The following MDM4 variants were observed in gnomAD, a reference collection of about 807,000 sequenced individuals.
MDM4 encodes MDM4 regulator of p53.
MDM4 carries 2 observed loss-of-function variants against 60.2 expected under a neutral mutation model. That is an observed-to-expected ratio of 0.03 (90% CI 0.01 to 0.10). MDM4 has a LOEUF of 0.10. MDM4 is among the 10% of genes least tolerant of loss of function. The probability of loss-of-function intolerance (pLI) is 1.00; values close to 1 mark genes in which losing one functional copy is unlikely to be tolerated. For synonymous variants in MDM4, 202 were observed against 198.1 expected (o/e 1.02, Z -0.17); for missense variants, 447 against 577.5 (o/e 0.77, Z 2.32).
chr1:204,551,359 A>C lies in MDM4; in HGVS notation c.*1677A>C, dbSNP rs371972646. 1.8e-5 allele frequency: 4 copies of C among 226,452 alleles called. No homozygotes were observed. The highest frequency in any genetic ancestry group is 9.0e-5 in the African/African-American group (4 of 44,536). 14.0% of individuals were successfully genotyped at this position (226,452 alleles called of 1,614,324 possible). ...CTGCCCCCTACCCTCTTTGCGTCTT[A>C]GGAGTCATTTAGATTTTTTTTGATC... On this transcript the variant is annotated 3_prime_UTR_variant, in exon 11 of 11. Transcript: ENST00000367182.
chr1:204,536,564 T>C (rs1661449603), intron 5 of MDM4, among the ~76,000 whole-genome samples: 1 of 152,336 alleles, frequency 6.6e-6, no homozygotes, highest in Middle Eastern at 3.4e-3. Context: ...AGTAGACTTA[T>C]TTTGGGTCTA....
intron 6 of MDM4, chr1:204,537,904 T>C (rs760915076): frequency 1.9e-5 from 13 of 684,470 alleles, no homozygotes; most frequent in South Asian, 1.6e-4. Context: ...TTTCATATGT[T>C]TTCTGAATTA....
At chr1:204,528,146 G>GA (rs1455215804) in intron 3 of MDM4, among the ~76,000 whole-genome samples, 3 of 147,974 alleles carry the variant, frequency 2.0e-5, no homozygotes, top group South Asian at 2.1e-4. Flanking sequence ...GGCCCCAAAT[G>GA]AAAAAAATGC....
chr1:204,532,886 G>A, intron 5 of MDM4: 1 of 1,557,582 alleles, frequency 6.4e-7, no homozygotes, highest in South Asian at 1.2e-5. Context: ...GGTAGTGCTT[G>A]AATAAATTCA....
chr1:204,525,352 C>A, intron 1 of MDM4, 132 bp from the exon 2 acceptor site: 1 of 1,387,748 alleles, frequency 7.2e-7, no homozygotes, highest in South Asian at 1.7e-5. Flanking sequence ...CAAGGGTATA[C>A]AGCATTTGTG....
rs71147703 is a variant in MDM4, at chr1:204,552,872, C to CTTTTT, written c.*3202_*3206dup. 8 of 133,938 alleles carry CTTTTT rather than the reference C, an allele frequency of 6.0e-5. No homozygotes were observed. The highest frequency in any genetic ancestry group is 4.9e-4 in the East Asian group (3 of 6,138). 8.3% of individuals were successfully genotyped at this position (133,938 alleles called of 1,614,324 possible). On this transcript the variant is annotated 3_prime_UTR_variant, in exon 11 of 11. Transcript: ENST00000367182. ...AACTTTAAACTATTTCTTTTCTTTT[C>CTTTTT]TTTTTTTTTTTTTTTTACTTGAGAT...
At position 204,552,890 on chromosome 1, in the gene MDM4, C is replaced by CTTT. The variant is rs1558343413; in HGVS notation, c.*3210_*3211insTTT. 31 of 145,940 alleles carry CTTT rather than the reference C, an allele frequency of 2.1e-4. No homozygotes were observed. The highest frequency in any genetic ancestry group is 3.4e-4 in the Non-Finnish European group (23 of 68,222). The allele number at this position is 145,940 out of a possible 1,614,324, so 9.0% of individuals were successfully genotyped here. ...TTCTTTTCTTTTTTTTTTTTTTTTACTTGAGATGGAGTTTTGCTCTTGTCG... is the reference window on the plus strand; with the variant it reads ...TTCTTTTCTTTTTTTTTTTTTTTTACTTTTTGAGATGGAGTTTTGCTCTTGTCG... On this transcript the variant is annotated 3_prime_UTR_variant, in exon 11 of 11. Transcript: ENST00000367182.
At chr1:204,537,759 C>CTG (rs1443752510) in intron 6 of MDM4, 9 of 598,672 alleles carry the variant, frequency 1.5e-5, no homozygotes, top group Admixed American at 6.0e-5. Flanking sequence ...TTGTGTGTAC[C>CTG]TGTGTGTGTG....
intron 6 of MDM4, chr1:204,537,740 T>C: frequency 1.7e-6 from 1 of 600,532 alleles, no homozygotes; most frequent in Non-Finnish European, 3.0e-6. Flanking sequence ...GTTGCATTTT[T>C]CTTTGGGTTT....
chr1:204,555,423 G>C lies in MDM4; in HGVS notation c.*5741G>C. The C allele has an allele frequency of 6.3e-6, 1 of 159,634 alleles. No individual in the cohort carries two copies. The highest frequency in any genetic ancestry group is 1.4e-5 in the Non-Finnish European group (1 of 72,264). The allele number at this position is 159,634 out of a possible 1,614,324, so 9.9% of individuals were successfully genotyped here. A position where few individuals can be genotyped will look rare whatever the true frequency, so the allele number is the denominator to read the frequency against. ...CCACCTCAGCCTCCCAAAGTACTGGGATTACAGGCGTGAGCCACCGCGCCC... is the reference window on the plus strand; with the variant it reads ...CCACCTCAGCCTCCCAAAGTACTGGCATTACAGGCGTGAGCCACCGCGCCC... On this transcript the variant is annotated 3_prime_UTR_variant, in exon 11 of 11. Coordinates refer to ENST00000367182, the MANE Select transcript of MDM4 (RefSeq NM_002393.5).
rs75616078 is a variant in MDM4 at position 204,556,761 on chromosome 1, C to G, written c.*7079C>G. On this transcript the variant is annotated 3_prime_UTR_variant, in exon 11 of 11. Coordinates refer to ENST00000367182, the MANE Select transcript of MDM4 (RefSeq NM_002393.5). ...CTCTGTAGTTTGCCTCATTTTTTCACTTTCTTTTCAATGAGAATCGAAGTG... is the reference window on the plus strand; with the variant it reads ...CTCTGTAGTTTGCCTCATTTTTTCAGTTTCTTTTCAATGAGAATCGAAGTG... 4.7e-6 allele frequency: 1 copy of G among 214,336 alleles called. No individual in the cohort carries two copies. 13.3% of individuals were successfully genotyped at this position (214,336 alleles called of 1,614,324 possible).
In MDM4 at chr1:204,544,521, T is replaced by G; in HGVS notation, c.673-14T>G. The stretch of plus-strand genomic sequence containing the variant: ...TCTGAATACAGAAACTCATGTTTGT[T>G]TTTTTTCTGTTAGGATGTGGGTACT... On this transcript the variant is annotated splice_polypyrimidine_tract_variant and intron_variant, in intron 8 of 10. Transcript: ENST00000367182. 9 of 1,591,986 alleles carry G rather than the reference T, an allele frequency of 5.7e-6. No homozygotes were observed. The highest frequency in any genetic ancestry group is 7.7e-6 in the Non-Finnish European group (9 of 1,166,144).
rs780701341 is a variant in MDM4 at position 204,551,459 on chromosome 1, CTCTTTT to C, written c.*1779_*1784del. ...ATATACTGGATGGTTGAGAGGCAGC[CTCTTTT>C]TTTTTTTTTTTTTTTTTTTTTTTTT... On this transcript the variant is annotated 3_prime_UTR_variant, in exon 11 of 11. Coordinates refer to ENST00000367182, the MANE Select transcript of MDM4 (RefSeq NM_002393.5). The C allele has an allele frequency of 1.7e-3, 256 of 151,710 alleles. 1 individual carries two copies. Among genetic ancestry groups the C allele is most frequent in the Non-Finnish European group, 2.4e-3 (221 of 90,846 alleles). 9.4% of individuals were successfully genotyped at this position (151,710 alleles called of 1,614,324 possible).
rs1476299056 is a variant in MDM4, at chr1:204,529,521, G to A, written c.154-1163G>A. 5 of 1,510,620 alleles carry A rather than the reference G, an allele frequency of 3.3e-6. No individual in the cohort carries two copies. The African/African-American group carries it at 6.9e-5, about 21-fold the overall frequency. 93.6% of individuals were successfully genotyped at this position (1,510,620 alleles called of 1,614,324 possible). On this transcript the variant is annotated intron_variant, in intron 3 of 10. Coordinates refer to ENST00000367182, the MANE Select transcript of MDM4 (RefSeq NM_002393.5). ...GTGTCCATAGGGCCCTCTACCAGCT[G>A]GTGGTCCATAAGGCCCTCCAGGGGC...
chr1:204,540,655 C>T (rs566705817), intron 7 of MDM4, among the ~76,000 whole-genome samples: 3 of 151,362 alleles, frequency 2.0e-5, no homozygotes, highest in East Asian at 3.9e-4. Context: ...CCCAGCTACT[C>T]GGGAGGCTGA....
Position 204,550,540 on chromosome 1 carries a change from T to A in MDM4, c.*858T>A. On this transcript the variant is annotated 3_prime_UTR_variant, in exon 11 of 11. Coordinates refer to ENST00000367182, the MANE Select transcript of MDM4 (RefSeq NM_002393.5). ...ACAAAGGATATACTATCCAACATAT[T>A]GCATATTATATATGTGCTTTAAAGT... 5.4e-6 allele frequency: 1 copy of A among 183,794 alleles called. No individual in the cohort carries two copies. The highest frequency in any genetic ancestry group is 8.8e-5 in the East Asian group (1 of 11,374). 11.4% of individuals were successfully genotyped at this position (183,794 alleles called of 1,614,324 possible).
Position 204,556,016 on chromosome 1 carries a change from A to T in MDM4, c.*6334A>T. The T allele has an allele frequency of 4.7e-6, 1 of 213,824 alleles. No individual in the cohort carries two copies. The highest frequency in any genetic ancestry group is 7.1e-5 in the East Asian group (1 of 14,106). 13.2% of individuals were successfully genotyped at this position (213,824 alleles called of 1,614,324 possible). On this transcript the variant is annotated 3_prime_UTR_variant, in exon 11 of 11. Transcript: ENST00000367182. ...TGTCAACAGTAGCAAATGTGGTTTC[A>T]TAAAGTGGGAAGAAAACAGCATTTT...
rs1225759062 is a variant in MDM4, at chr1:204,556,636, C to T, written c.*6954C>T. On this transcript the variant is annotated 3_prime_UTR_variant, in exon 11 of 11. Coordinates refer to ENST00000367182, the MANE Select transcript of MDM4 (RefSeq NM_002393.5). ...GCTTGAGCCTGGGAGGTGGAGGTTG[C>T]AGTGAGCTGAGATGGCACCACTGCA... The T allele has an allele frequency of 9.8e-6, 2 of 204,190 alleles. No individual in the cohort carries two copies. Among genetic ancestry groups the T allele is most frequent in the Non-Finnish European group, 1.0e-5 (1 of 99,776 alleles). The allele number at this position is 204,190 out of a possible 1,614,324, so 12.6% of individuals were successfully genotyped here. A position where few individuals can be genotyped will look rare whatever the true frequency, so the allele number is the denominator to read the frequency against.
In MDM4 at chr1:204,556,382, C is replaced by T. The variant is rs1571481674; in HGVS notation, c.*6700C>T. 1 of 227,802 alleles carries T rather than the reference C, an allele frequency of 4.4e-6. No individual in the cohort carries two copies. The highest frequency in any genetic ancestry group is 6.3e-5 in the East Asian group (1 of 15,968). 14.1% of individuals were successfully genotyped at this position (227,802 alleles called of 1,614,324 possible). ...TGTGATGGGGGATAGGGAGTTAGCT[C>T]CCCTGTTGTCTCAGCACTAAGAAAT... On this transcript the variant is annotated 3_prime_UTR_variant, in exon 11 of 11. Coordinates refer to ENST00000367182, the MANE Select transcript of MDM4 (RefSeq NM_002393.5).
Sources: allele counts gnomAD v4.1 joint callset (sites outside exome capture counted in the v4.1 genomes callset), GRCh38; gene constraint gnomAD v4.1.1; transcripts MANE v1.5; gene names NCBI Gene and HGNC (gene_info 2026-07-23, HGNC 2026-07-21).